The following RIF1 variants were observed in gnomAD, a reference collection of about 807,000 sequenced individuals.
RIF1 encodes telomere-associated protein RIF1.
In RIF1, 45 loss-of-function variants were observed where a neutral mutation model predicts 247.1. The observed-to-expected ratio is 0.18, with a 90% CI of 0.14 to 0.23. RIF1 has a LOEUF of 0.23. RIF1 is among the 10% of genes least tolerant of loss of function. The probability of loss-of-function intolerance (pLI) is 1.00; values close to 1 mark genes in which losing one functional copy is unlikely to be tolerated. For missense variants in RIF1, 2,967 were observed against 2,862.5 expected, an observed-to-expected ratio of 1.04 and a Z score of -0.83; for synonymous variants, 1,087 against 978.8, an observed-to-expected ratio of 1.11 and a Z score of -2.06.
chr2:151,499,825 C>T (rs929909739), intron 11 of RIF1, among the ~76,000 whole-genome samples: 2 of 152,128 alleles, frequency 1.3e-5, no homozygotes, highest in Non-Finnish European at 2.9e-5. Flanking sequence ...TCATTAAGTT[C>T]AAGTTGTTGT....
At chr2:151,524,626 G>A in the RIF1 span, 101 of 1,343,088 alleles carry the variant, frequency 7.5e-5, no homozygotes, top group Non-Finnish European at 9.9e-5. Flanking sequence ...CCTTTATTGG[G>A]GAAGAAAATG....
downstream of RIF1, among the ~76,000 whole-genome samples, chr2:151,510,859 T>A (rs1199508439): frequency 1.3e-5 from 2 of 152,236 alleles, no homozygotes; most frequent in African/African-American, 4.8e-5. Flanking sequence ...CAGCTTACAT[T>A]GCTTGTATTA....
At chr2:151,437,053 T>G in intron 12 of RIF1, 50 bp downstream of exon 12, 2 of 1,484,484 alleles carry the variant, frequency 1.3e-6, no homozygotes, top group South Asian at 1.2e-5. Context: ...AGTCTAGGAC[T>G]TAATGCATTG....
At chr2:151,498,378 C>CA (rs201683981) in intron 10 of RIF1, 4 of 1,472,694 alleles carry the variant, frequency 2.7e-6, no homozygotes, top group African/African-American at 1.4e-5. Context: ...GCATCCAGAA[C>CA]AAAAAAAGCA....
Position 151,426,892 on chromosome 2 carries a change from C to G in RIF1, c.787-1892C>G, listed in dbSNP as rs185039119. Among the ~76,000 whole-genome samples, 176 of 152,204 alleles carry G rather than the reference C, an allele frequency of 1.2e-3. 3 individuals are homozygous for G. The highest frequency in any genetic ancestry group is 7.5e-3 in the South Asian group (36 of 4,828). ...AAACTCATGACCTAAAGCAATCCAT[C>G]TGCCTCGGCCTCCCAAAGTGCTGGG... On this transcript the variant is annotated intron_variant, in intron 8 of 35. Coordinates refer to ENST00000444746, the MANE Select transcript of RIF1 (RefSeq NM_018151.5).
At chr2:151,440,874 G>A (rs2152376090) in intron 15 of RIF1, among the ~76,000 whole-genome samples, 1 of 152,294 alleles carries the variant, frequency 6.6e-6, no homozygotes, top group Admixed American at 6.5e-5. Flanking sequence ...CTATGGGCCA[G>A]GAACAAACTA....
intron 10 of RIF1, among the ~76,000 whole-genome samples, chr2:151,495,881 T>C (rs1014139234): frequency 6.6e-6 from 1 of 152,170 alleles, no homozygotes; most frequent in Non-Finnish European, 1.5e-5. Context: ...GAACCTGAAG[T>C]CATTGACACA....
intron 6 of RIF1, among the ~76,000 whole-genome samples, chr2:151,418,968 C>CTTTTTTT (rs36020810): frequency 6.3e-5 from 7 of 111,700 alleles, no homozygotes; most frequent in African/African-American, 6.6e-5. Context: ...GCCTTAAATT[C>CTTTTTTT]TTTTTTTTTT....
rs2059723901 is a variant in RIF1 at position 151,495,700 on chromosome 2, GGTA to G, written c.*513+375_*513+377del. 7.3e-5 allele frequency among the ~76,000 whole-genome samples: 11 copies of G among 151,528 alleles called. No individual in the cohort carries two copies. In the South Asian group the frequency reaches 2.3e-3, roughly 32 times the overall value. On this transcript the variant is annotated intron_variant and NMD_transcript_variant, in intron 10 of 13. Transcript: ENST00000454583. ...CAACAACAAACAAAAAACGAAAACT[GGTA>G]AAACAAAAAGCCATTCTGGTGACAC...
Position 151,463,016 on chromosome 2 carries a change from T to A in RIF1, c.3496T>A (p.Ser1166Thr), listed in dbSNP as rs1284309489. Reference sequence around the variant, plus strand: ...TCTTGACAAAACCAGTCCAGAAATGTCAAACAGTAATAATGATGAAAGAAA... The same window carrying A: ...TCTTGACAAAACCAGTCCAGAAATGACAAACAGTAATAATGATGAAAGAAA... ...GSLDKTSPEM[S>T]NSNNDERKKA... The change falls in exon 30 of 36, where the codon TCA becomes ACA. Residue 1166 changes from serine to threonine, a missense_variant. Physicochemically the swap from Ser to Thr is moderately conservative, Grantham distance 58. This residue lies in a region of RIF1 where 2,028 missense variants were observed against 1,825.6 expected (regional missense o/e 1.11). Coordinates refer to ENST00000444746, the MANE Select transcript of RIF1 (RefSeq NM_018151.5). 9 of 1,613,946 alleles carry A rather than the reference T, an allele frequency of 5.6e-6. No homozygotes were observed. Among genetic ancestry groups the A allele is most frequent in the Non-Finnish European group, 7.6e-6 (9 of 1,179,880 alleles).
chr2:151,437,110 T>C, intron 12 of RIF1, 107 bp downstream of exon 12: 1 of 1,199,904 alleles, frequency 8.3e-7, no homozygotes. Context: ...ATTTTACAGT[T>C]GTGTATGAAA....
At chr2:151,456,440 T>G in intron 22 of RIF1, 138 bp from the exon 23 acceptor site, 1 of 533,340 alleles carries the variant, frequency 1.9e-6, no homozygotes, top group Non-Finnish European at 3.3e-6. Context: ...TTTTTACTTG[T>G]TAAGTCTTTG....
Position 151,416,634 on chromosome 2 carries a change from A to T in RIF1, c.354A>T (p.Arg118Ser). Reference sequence around the variant, plus strand: ...ATTCAGACAAAAATGTACGTACTAGAGCACTTTGGGTGATATCTAAGCAGA... The same window carrying T: ...ATTCAGACAAAAATGTACGTACTAGTGCACTTTGGGTGATATCTAAGCAGA... ...IKNSDKNVRT[R>S]ALWVISKQTF... Residue 118 changes from arginine (R) to serine (S), a missense_variant, in exon 5 of 36, where the codon AGA becomes AGT. Arg to Ser is a moderately radical substitution (Grantham distance 110). Around this residue, in one of 7 missense-constraint regions of RIF1, gnomAD observed 269 missense variants for 288.6 expected, o/e 0.93. Transcript: ENST00000444746. The T allele has an allele frequency of 6.2e-7, 1 of 1,612,418 alleles. No individual in the cohort carries two copies. The highest frequency in any genetic ancestry group is 8.5e-7 in the Non-Finnish European group (1 of 1,179,576).
intron 19 of RIF1, 136 bp from the exon 20 acceptor site, chr2:151,446,290 C>T: frequency 1.2e-6 from 1 of 817,836 alleles, no homozygotes; most frequent in East Asian, 2.7e-5. Context: ...TGAGCCACTG[C>T]ACCCGGCCGT....
intron 7 of RIF1, among the ~76,000 whole-genome samples, chr2:151,420,711 G>C (rs1014223763): frequency 2.0e-5 from 3 of 148,794 alleles, no homozygotes; most frequent in African/African-American, 5.0e-5. Flanking sequence ...TTCTAGCCTG[G>C]GTGACAGAAT....
intron 9 of RIF1, among the ~76,000 whole-genome samples, chr2:151,494,794 G>A (rs907159466): frequency 1.3e-4 from 20 of 152,046 alleles, no homozygotes; most frequent in South Asian, 2.1e-4. Flanking sequence ...GATTACAGGC[G>A]TGCACCACCA....
intron 11 of RIF1, chr2:151,502,826 C>G (rs1229640938): frequency 1.9e-6 from 3 of 1,608,080 alleles, no homozygotes; most frequent in South Asian, 1.1e-5. Flanking sequence ...GTTTGACTCT[C>G]TCCATCTCTG....
At chr2:151,499,775 T>TAACA (rs1402126269) in intron 11 of RIF1, among the ~76,000 whole-genome samples, 1 of 152,242 alleles carries the variant, frequency 6.6e-6, no homozygotes, top group Non-Finnish European at 1.5e-5. Context: ...AACAAATATT[T>TAACA]AACAGGCCAA....
intron 11 of RIF1, chr2:151,502,912 G>A (rs1283725002): frequency 7.1e-7 from 1 of 1,400,158 alleles, no homozygotes; most frequent in Non-Finnish European, 1.0e-6. Flanking sequence ...AGTACCCAGA[G>A]GACATTTAAA....
Sources: gnomAD v4.1 joint callset for allele counts (sites outside exome capture counted in the v4.1 genomes callset) on GRCh38, gnomAD v4.1.1 for gene constraint, gnomAD v4.1.1 regional missense constraint, MANE v1.5 for transcripts, NCBI Gene and HGNC (gene_info 2026-07-23, HGNC 2026-07-21) for gene names.